The following POLR1A variants were observed in gnomAD, a reference collection of about 807,000 sequenced individuals.
POLR1A encodes the protein RNA polymerase I subunit A.
POLR1A carries 84 observed loss-of-function variants against 205.3 expected under a neutral mutation model. The ratio of observed to expected loss-of-function variants is 0.41; its 90% confidence interval spans 0.34 to 0.49. The LOEUF (loss-of-function observed/expected upper bound fraction) is 0.49. Among genes scored for constraint, POLR1A ranks in the 20% least tolerant of loss-of-function variants. The pLI, the probability that POLR1A is intolerant of heterozygous loss-of-function variation, is 0.22. For synonymous variants in POLR1A, 799 were observed against 863.7 expected, an observed-to-expected ratio of 0.93 and a Z score of 1.31; for missense variants, 1,645 against 2,204.5, an observed-to-expected ratio of 0.75 and a Z score of 5.08.
rs922014206 is a variant in POLR1A at position 86,048,993 on chromosome 2, A to C, written c.2525T>G (p.Val842Gly). ...NLPEAASYDE[V>G]RGKWQDAHLG... is the part of the protein sequence containing the mutation. ...ATGGGCATCCTGCCATTTTCCTCGG[A>C]CCTCATCATATGATGCGGCTTCTGG... The change falls in exon 18 of 34, where the codon GTC (valine) becomes GGC (glycine). Residue 842 changes from valine to glycine, a missense_variant. Transcript: ENST00000263857. 2.5e-6 allele frequency: 4 copies of C among 1,614,006 alleles called. No homozygotes were observed. In the Admixed American group the frequency reaches 6.7e-5, roughly 27 times the overall value.
chr2:86,071,597 C>T (rs1181110049), intron 12 of POLR1A, among the ~76,000 whole-genome samples: 1 of 152,120 alleles, frequency 6.6e-6, no homozygotes, highest in African/African-American at 2.4e-5. Flanking sequence ...ACAGAAAATA[C>T]AATTTAAAGA....
intron 25 of POLR1A, 68 bp downstream of exon 25, chr2:86,040,324 C>T: frequency 7.8e-7 from 1 of 1,276,218 alleles, no homozygotes; most frequent in Non-Finnish European, 1.1e-6. Context: ...CACCCCCTCT[C>T]ATTAAATGGC....
At chr2:86,084,260 C>T (rs184349608) in intron 6 of POLR1A, among the ~76,000 whole-genome samples, 4 of 151,838 alleles carry the variant, frequency 2.6e-5, no homozygotes, top group East Asian at 1.9e-4. Flanking sequence ...AGCGAGACTC[C>T]GTCTCAGAAA....
chr2:86,056,232 AC>A (rs2104401719), intron 14 of POLR1A, among the ~76,000 whole-genome samples: 1 of 152,176 alleles, frequency 6.6e-6, no homozygotes, highest in African/African-American at 2.4e-5. Context: ...CAGGCGGATC[AC>A]TTAAGGTCGG....
At chr2:86,065,697 C>T (rs577161450) in intron 13 of POLR1A, 14 of 519,044 alleles carry the variant, frequency 2.7e-5, no homozygotes, top group Non-Finnish European at 4.8e-5. Flanking sequence ...TATCCTATAT[C>T]AAGACTGCTT....
intron 1 of POLR1A, among the ~76,000 whole-genome samples, chr2:86,104,556 TC>T (rs1295844220): frequency 6.6e-6 from 1 of 150,946 alleles, no homozygotes; most frequent in Non-Finnish European, 1.5e-5. Context: ...CAAGCGATTC[TC>T]CTGCCTCAGC....
At chr2:86,042,619 T>A (rs767648619) in intron 23 of POLR1A, among the ~76,000 whole-genome samples, 8 of 152,164 alleles carry the variant, frequency 5.3e-5, no homozygotes, top group Non-Finnish European at 1.2e-4. Flanking sequence ...AGGAAGGGGA[T>A]CCTGGTATTT....
chr2:86,033,496 T>C (rs912564584), intron 28 of POLR1A, among the ~76,000 whole-genome samples, 165 bp downstream of exon 28: 2 of 152,136 alleles, frequency 1.3e-5, no homozygotes, highest in Non-Finnish European at 2.9e-5. Context: ...GGCCAAGAAG[T>C]GAATGCTGCT....
chr2:86,085,599 C>T (rs570103343), intron 6 of POLR1A, among the ~76,000 whole-genome samples: 44 of 152,240 alleles, frequency 2.9e-4, no homozygotes, highest in African/African-American at 1.0e-3. Context: ...GAAGATCGGT[C>T]GAATCTCCTC....
chr2:86,086,337 C>G (rs75575099), intron 6 of POLR1A, among the ~76,000 whole-genome samples: 7,269 of 152,260 alleles, frequency 0.048, 611 homozygotes, highest in African/African-American at 0.17. Context: ...CCGCCTGACT[C>G]GGCCTCCCGA....
chr2:86,090,011 G>T, intron 3 of POLR1A, 82 bp from the exon 4 acceptor site: 1 of 726,566 alleles, frequency 1.4e-6, no homozygotes, highest in Non-Finnish European at 2.5e-6. Flanking sequence ...ACCTCTCCAA[G>T]GGTGGAAAAG....
At chr2:86,037,860 C>T (rs1573804145) in intron 27 of POLR1A, among the ~76,000 whole-genome samples, 3 of 152,188 alleles carry the variant, frequency 2.0e-5, no homozygotes, top group African/African-American at 2.4e-5. Context: ...AAAGATGTGG[C>T]CCCCCGGGCC....
chr2:86,105,065 T>C (rs943082091), intron 1 of POLR1A, among the ~76,000 whole-genome samples: 1 of 152,126 alleles, frequency 6.6e-6, no homozygotes, highest in African/African-American at 2.4e-5. Context: ...TGGAAAAAAC[T>C]GGATGCTCAA....
At chr2:86,051,888 T>C (rs1228475842) in intron 16 of POLR1A, among the ~76,000 whole-genome samples, 2 of 152,230 alleles carry the variant, frequency 1.3e-5, no homozygotes, top group Non-Finnish European at 2.9e-5. Context: ...CTTCGTGTCT[T>C]AGGATCACCC....
chr2:86,059,122 A>G (rs1672952102), intron 14 of POLR1A, among the ~76,000 whole-genome samples: 2 of 152,232 alleles, frequency 1.3e-5, no homozygotes, highest in South Asian at 4.1e-4. Context: ...ATATCACTGA[A>G]TACAACACAG....
chr2:86,080,708 A>C (rs1329561426), intron 9 of POLR1A, 108 bp downstream of exon 9: 3 of 1,114,662 alleles, frequency 2.7e-6, no homozygotes, highest in Non-Finnish European at 3.8e-6. Context: ...TGCCAGCTGC[A>C]CAGAACATCC....
intron 18 of POLR1A, 120 bp from the exon 19 acceptor site, chr2:86,047,383 C>A: frequency 1.5e-6 from 1 of 668,390 alleles, no homozygotes. Flanking sequence ...ACCTAAGTAC[C>A]AAATCCCACT....
rs776137513 is a variant in POLR1A, at chr2:86,089,943, A to G, written c.433-14T>C. The G allele has an allele frequency of 8.8e-6, 12 of 1,361,030 alleles. No individual in the cohort carries two copies. The highest frequency in any genetic ancestry group is 1.3e-5 in the Non-Finnish European group (12 of 947,550). The allele number at this position is 1,361,030 out of a possible 1,614,324, so 84.3% of individuals were successfully genotyped here. On this transcript the variant is annotated splice_polypyrimidine_tract_variant and intron_variant, in intron 3 of 33. Coordinates refer to ENST00000263857, the MANE Select transcript of POLR1A (RefSeq NM_015425.6). ...TTCTTCCAGAAACTGGAAAACAAAG[A>G]GGAAAACTCCATTATCACAGTAATG...
At chr2:86,040,341 T>C (rs773095850) in intron 25 of POLR1A, 51 bp downstream of exon 25, 3 of 1,421,872 alleles carry the variant, frequency 2.1e-6, no homozygotes, top group Admixed American at 5.4e-5. Context: ...TGGCCCCTTC[T>C]CCAGGAGAGG....
Sources: gnomAD v4.1 joint callset for allele counts (sites outside exome capture counted in the v4.1 genomes callset) on GRCh38, gnomAD v4.1.1 for gene constraint, MANE v1.5 for transcripts, NCBI Gene and HGNC (gene_info 2026-07-23, HGNC 2026-07-21) for gene names.